Variants in DOK5 observed in about 807,000 individuals in gnomAD.
DOK5 encodes docking protein 5.
Under a neutral mutation model 43.3 loss-of-function variants are expected in DOK5, and 27 were observed. The ratio of observed to expected loss-of-function variants is 0.62; its 90% CI spans 0.46 to 0.86. The LOEUF (loss-of-function observed/expected upper bound fraction) is 0.86, where lower values mean the gene tolerates loss of function less well. Ranked by LOEUF, DOK5 falls within the 40% of genes least tolerant of loss-of-function variation. The probability of loss-of-function intolerance (pLI) is 0.00; values close to 1 mark genes in which losing one functional copy is unlikely to be tolerated. For missense variants in DOK5, 373 were observed against 392.9 expected (o/e 0.95, Z 0.43); for synonymous variants, 146 against 140.1 (o/e 1.04, Z -0.30).
At chr20:54,618,452 T>A (rs1986882636) in intron 6 of DOK5, among the ~76,000 whole-genome samples, 1 of 152,094 alleles carries the variant, frequency 6.6e-6, no homozygotes. Flanking sequence ...CAAGCGATTC[T>A]TCCCCCTCAG....
chr20:54,511,475 T>A (rs138198525), intron 1 of DOK5, among the ~76,000 whole-genome samples: 1,592 of 152,370 alleles, frequency 0.01, 20 homozygotes, highest in Middle Eastern at 0.037. Flanking sequence ...GATAATTTTT[T>A]AAAATGTGTT....
At chr20:54,594,540 A>AT (rs1555834489) in intron 5 of DOK5, among the ~76,000 whole-genome samples, 1 of 151,558 alleles carries the variant, frequency 6.6e-6, no homozygotes, top group African/African-American at 2.4e-5. Context: ...ATGTTTTATA[A>AT]ATAGACTTTT....
chr20:54,579,415 A>G (rs183921694), intron 2 of DOK5, among the ~76,000 whole-genome samples: 11 of 152,134 alleles, frequency 7.2e-5, no homozygotes, highest in Admixed American at 5.2e-4. Flanking sequence ...AACACATAAC[A>G]TAAGACTTAC....
intron 2 of DOK5, among the ~76,000 whole-genome samples, chr20:54,570,669 T>A (rs1985254959): frequency 6.6e-6 from 1 of 152,184 alleles, no homozygotes; most frequent in Non-Finnish European, 1.5e-5. Context: ...GGCTTTTGAC[T>A]TTGCAGCATG....
intron 1 of DOK5, among the ~76,000 whole-genome samples, chr20:54,482,738 C>G (rs1255840939): frequency 1.3e-5 from 2 of 152,186 alleles, no homozygotes; most frequent in Non-Finnish European, 2.9e-5. Context: ...TTCTGGTGAT[C>G]CACCCGTTTC....
intron 1 of DOK5, among the ~76,000 whole-genome samples, chr20:54,550,180 CAAAA>C (rs11483522): frequency 2.3e-5 from 2 of 87,404 alleles, no homozygotes; most frequent in African/African-American, 3.3e-5. Context: ...GATTGGATGG[CAAAA>C]AAAAAAAAAA....
intron 2 of DOK5, among the ~76,000 whole-genome samples, chr20:54,568,797 G>A (rs907828324): frequency 6.6e-6 from 1 of 151,940 alleles, no homozygotes; most frequent in Non-Finnish European, 1.5e-5. Context: ...GGGTGTGGTG[G>A]CGGGCGCCTG....
intron 1 of DOK5, among the ~76,000 whole-genome samples, chr20:54,511,253 C>T (rs1020296709): frequency 6.6e-6 from 1 of 152,156 alleles, no homozygotes; most frequent in African/African-American, 2.4e-5. Flanking sequence ...GGATATACTA[C>T]ATAGAGCTGT....
chr20:54,624,661 G>T (rs939862077), intron 6 of DOK5, among the ~76,000 whole-genome samples: 10 of 137,592 alleles, frequency 7.3e-5, no homozygotes, highest in African/African-American at 2.0e-4. Context: ...GTGGGGGAGA[G>T]AATTTTTTTA....
intron 1 of DOK5, among the ~76,000 whole-genome samples, chr20:54,553,259 C>T (rs1206946885): frequency 6.6e-6 from 1 of 152,014 alleles, no homozygotes; most frequent in Non-Finnish European, 1.5e-5. Flanking sequence ...GCAGTGGCGC[C>T]ATCTCGGCTC....
intron 1 of DOK5, among the ~76,000 whole-genome samples, chr20:54,528,139 C>A (rs189482916): frequency 5.9e-5 from 9 of 152,012 alleles, no homozygotes; most frequent in Non-Finnish European, 1.3e-4. Context: ...ACCTGTGGGG[C>A]GAGGTTGCAG....
intron 1 of DOK5, among the ~76,000 whole-genome samples, chr20:54,496,817 T>G (rs1189410643): frequency 1.3e-5 from 2 of 151,516 alleles, no homozygotes; most frequent in Non-Finnish European, 2.9e-5. Context: ...AATCGACATT[T>G]AGAGTACAGA....
intron 1 of DOK5, among the ~76,000 whole-genome samples, chr20:54,549,076 G>A (rs557669641): frequency 6.6e-6 from 1 of 152,338 alleles, no homozygotes; most frequent in African/African-American, 2.4e-5. Context: ...CCCGCATCGG[G>A]AAGCACTTTT....
At position 54,591,656 on chromosome 20, in the gene DOK5, T is replaced by C; in HGVS notation, c.450T>C (p.Asp150=). 6.2e-7 allele frequency: 1 copy of C among 1,613,008 alleles called. No individual in the cohort carries two copies. The highest frequency in any genetic ancestry group is 1.3e-5 in the African/African-American group (1 of 75,050). Residue 150 remains aspartate (D), a synonymous_variant, in exon 5 of 8, where the codon GAT becomes GAC. Transcript: ENST00000262593. ...ATTTGATGCCATCTCCTAACTTAGA[T>C]GTACATGGCGAATGTGCCTTGCAGA... ...NVYLMPSPNL[D]VHGECALQIT... is the part of the protein sequence containing the mutation.
At chr20:54,643,358 A>C in intron 6 of DOK5, 100 bp from the exon 7 acceptor site, 1 of 1,485,968 alleles carries the variant, frequency 6.7e-7, no homozygotes, top group Non-Finnish European at 9.1e-7. Context: ...CAGCCTGGCC[A>C]GCTCTGTGGT....
intron 1 of DOK5, among the ~76,000 whole-genome samples, chr20:54,528,437 A>G (rs996908982): frequency 3.3e-5 from 5 of 149,760 alleles, no homozygotes; most frequent in Admixed American, 2.7e-4. Flanking sequence ...CCATTCTTGT[A>G]TACGGCTTCC....
chr20:54,586,820 A>G (rs563394723), intron 2 of DOK5, among the ~76,000 whole-genome samples: 1 of 152,154 alleles, frequency 6.6e-6, no homozygotes, highest in Admixed American at 6.5e-5. Flanking sequence ...TGGGAACTGA[A>G]CAAAGTCCAC....
chr20:54,650,351 C>A, intron 7 of DOK5, 64 bp from the exon 8 acceptor site: 1 of 1,525,392 alleles, frequency 6.6e-7, no homozygotes, highest in Non-Finnish European at 9.0e-7. Flanking sequence ...AAGTTGTTGC[C>A]ACCTAATTTG....
At chr20:54,627,847 G>A (rs543157465) in intron 6 of DOK5, among the ~76,000 whole-genome samples, 12 of 152,142 alleles carry the variant, frequency 7.9e-5, no homozygotes, top group Non-Finnish European at 1.2e-4. Context: ...CCGATGCTCT[G>A]GAGTGAATTT....
Sources: allele counts gnomAD v4.1 joint callset (sites outside exome capture counted in the v4.1 genomes callset), GRCh38; gene constraint gnomAD v4.1.1; transcripts MANE v1.5; gene names NCBI Gene and HGNC (gene_info 2026-07-23, HGNC 2026-07-21).